NRXN3: variants seen among roughly 807,000 people sequenced by gnomAD.
The protein encoded by NRXN3 is neurexin III.
Under a neutral mutation model 137.6 loss-of-function variants are expected in NRXN3, and 32 were observed. The observed-to-expected ratio is 0.23, with a 90% CI of 0.18 to 0.31. The LOEUF is 0.31. NRXN3 is among the 10% of genes least tolerant of loss of function. The pLI is 1.00. For missense variants in NRXN3, 1,574 were observed against 2,062.5 expected (o/e 0.76, Z 4.59); for synonymous variants, 798 against 784.5 (o/e 1.02, Z -0.29).
intron 4 of NRXN3, among the ~76,000 whole-genome samples, chr14:78,519,689 A>C (rs1370710553): frequency 1.3e-5 from 2 of 152,178 alleles, no homozygotes; most frequent in Non-Finnish European, 2.9e-5. Context: ...GTTAGCAACT[A>C]ACTGTCTAAG....
chr14:79,797,873 G>A (rs946692919), intron 19 of NRXN3, among the ~76,000 whole-genome samples: 6 of 152,016 alleles, frequency 3.9e-5, no homozygotes, highest in African/African-American at 1.4e-4. Context: ...TGGGTGACTC[G>A]CTTCAGCCCA....
chr14:79,856,171 C>T (rs1436109102), intron 20 of NRXN3, among the ~76,000 whole-genome samples: 1 of 152,104 alleles, frequency 6.6e-6, no homozygotes, highest in Non-Finnish European at 1.5e-5. Context: ...AATTCTCATC[C>T]TGTTAAAATA....
At chr14:78,480,362 A>C (rs887528814) in intron 4 of NRXN3, among the ~76,000 whole-genome samples, 2 of 152,164 alleles carry the variant, frequency 1.3e-5, no homozygotes, top group African/African-American at 4.8e-5. Flanking sequence ...GCATCTTTCA[A>C]ATTTTAGAGG....
chr14:79,808,424 C>T (rs974880555), intron 20 of NRXN3, among the ~76,000 whole-genome samples: 30 of 151,908 alleles, frequency 2.0e-4, no homozygotes, highest in African/African-American at 6.8e-4. Context: ...GACATTTACA[C>T]ATCTTTGACA....
chr14:78,822,864 T>A (rs2098955153), intron 10 of NRXN3, among the ~76,000 whole-genome samples: 1 of 152,170 alleles, frequency 6.6e-6, no homozygotes, highest in Non-Finnish European at 1.5e-5. Flanking sequence ...AATGCCTAAA[T>A]GAATGAAATC....
rs115101414 is a variant in NRXN3 at position 78,368,591 on chromosome 14, A to G, written c.757+70731A>G. 5.4e-3 allele frequency among the ~76,000 whole-genome samples: 824 copies of G among 152,260 alleles called. 5 individuals are homozygous for G. The highest frequency in any genetic ancestry group is 0.019 in the African/African-American group (790 of 41,540). On this transcript the variant is annotated intron_variant, in intron 4 of 20. Coordinates refer to ENST00000335750, the MANE Select transcript of NRXN3 (RefSeq NM_001330195.2). ...GCACCAGTAATTCCAGCTACTCAAG[A>G]GGCTGAGGAAGGAGAATCACTTGAA...
chr14:79,404,194 C>T (rs2153499979), intron 15 of NRXN3, among the ~76,000 whole-genome samples: 1 of 152,290 alleles, frequency 6.6e-6, no homozygotes, highest in South Asian at 2.1e-4. Flanking sequence ...AGAATGTTTG[C>T]ACACTGAGCA....
At chr14:78,684,881 A>T (rs1303621903) in intron 6 of NRXN3, among the ~76,000 whole-genome samples, 1 of 152,228 alleles carries the variant, frequency 6.6e-6, no homozygotes, top group East Asian at 1.9e-4. Context: ...CATAAATATC[A>T]TGCAACTTCA....
rs143428187 is a variant in NRXN3 at position 79,355,724 on chromosome 14, C to T, written c.3263-111497C>T. On this transcript the variant is annotated intron_variant, in intron 15 of 20. Transcript: ENST00000335750. ...TTCTATTTATGATATTGTTATTTTA[C>T]TTTTAAATTCTTTGGTATCTTCTGC... Among the ~76,000 whole-genome samples, 486 of 152,200 alleles carry T rather than the reference C, an allele frequency of 3.2e-3. 1 individual carries two copies. Among genetic ancestry groups the T allele is most frequent in the Middle Eastern group, 0.02 (6 of 294 alleles).
At chr14:78,527,490 A>G (rs561105996) in intron 4 of NRXN3, among the ~76,000 whole-genome samples, 2 of 152,310 alleles carry the variant, frequency 1.3e-5, no homozygotes, top group South Asian at 2.1e-4. Context: ...ACCACCTCCC[A>G]CCAGGACCCA....
At chr14:78,500,018 A>G (rs1355671993) in intron 4 of NRXN3, among the ~76,000 whole-genome samples, 1 of 152,182 alleles carries the variant, frequency 6.6e-6, no homozygotes, top group Non-Finnish European at 1.5e-5. Context: ...GGAAGGGATT[A>G]TGTAAGGATG....
chr14:79,292,963 A>G (rs558296219), intron 15 of NRXN3, among the ~76,000 whole-genome samples: 2 of 152,304 alleles, frequency 1.3e-5, no homozygotes, highest in African/African-American at 4.8e-5. Flanking sequence ...CAACATGTCA[A>G]TAATAATCTC....
intron 19 of NRXN3, among the ~76,000 whole-genome samples, chr14:79,761,099 T>C (rs1195953754): frequency 1.3e-5 from 2 of 151,702 alleles, no homozygotes; most frequent in Non-Finnish European, 2.9e-5. Flanking sequence ...GGAGATGTAA[T>C]AGAACAGTGA....
At chr14:78,229,616 A>G (rs76036057) in intron 1 of NRXN3, among the ~76,000 whole-genome samples, 1,659 of 152,136 alleles carry the variant, frequency 0.011, 16 homozygotes, top group Non-Finnish European at 0.016. Context: ...GAATCCTTCA[A>G]ATTTCCGTCT....
Position 79,196,498 on chromosome 14 carries a change from C to G in NRXN3, c.3262+208357C>G, listed in dbSNP as rs191877437. Reference sequence around the variant, plus strand: ...TTCATGAGAACAGAGCCCTCATGACCTAATCACCTTTTAAAGGTCCCATTG... The same window carrying G: ...TTCATGAGAACAGAGCCCTCATGACGTAATCACCTTTTAAAGGTCCCATTG... On this transcript the variant is annotated intron_variant, in intron 15 of 20. Coordinates refer to ENST00000335750, the MANE Select transcript of NRXN3 (RefSeq NM_001330195.2). 4.9e-3 allele frequency among the ~76,000 whole-genome samples: 740 copies of G among 152,258 alleles called. 5 individuals are homozygous for G. Among genetic ancestry groups the G allele is most frequent in the African/African-American group, 0.017 (711 of 41,558 alleles).
chr14:79,759,224 A>G lies in NRXN3; in HGVS notation c.4015-45888A>G, dbSNP rs184558429. Among the ~76,000 whole-genome samples, 577 of 148,162 alleles carry G rather than the reference A, an allele frequency of 3.9e-3. 22 individuals are homozygous for G. The highest frequency in any genetic ancestry group is 0.014 in the Middle Eastern group (4 of 294). ...AACTTCTTGTTATAACTGGGTAGTA[A>G]ACATACTTTTTAATAAGAAGTGGCT... On this transcript the variant is annotated intron_variant, in intron 19 of 20. Coordinates refer to ENST00000335750, the MANE Select transcript of NRXN3 (RefSeq NM_001330195.2).
At chr14:79,052,302 A>G (rs555973465) in intron 15 of NRXN3, among the ~76,000 whole-genome samples, 325 of 152,314 alleles carry the variant, frequency 2.1e-3, no homozygotes, top group Middle Eastern at 6.8e-3. Context: ...GAGAGAGAAA[A>G]TGATTTCTAG....
chr14:78,911,052 T>C (rs1009939233), intron 10 of NRXN3, among the ~76,000 whole-genome samples: 1 of 152,238 alleles, frequency 6.6e-6, no homozygotes, highest in African/African-American at 2.4e-5. Flanking sequence ...CTAGACTTTA[T>C]ATTAATTAAG....
intron 10 of NRXN3, among the ~76,000 whole-genome samples, chr14:78,811,040 T>C (rs1019221688): frequency 2.0e-5 from 3 of 152,100 alleles, no homozygotes; most frequent in African/African-American, 4.8e-5. Context: ...TGAGTCAACA[T>C]GTAGAAGGGG....
Sources: allele counts gnomAD v4.1 joint callset (sites outside exome capture counted in the v4.1 genomes callset), GRCh38; gene constraint gnomAD v4.1.1; transcripts MANE v1.5; gene names NCBI Gene and HGNC (gene_info 2026-07-23, HGNC 2026-07-21).